Variants in PLSCR4 observed in about 807,000 individuals in gnomAD.
The protein encoded by PLSCR4 is phospholipid scramblase 4, also known as Ca(2+)-dependent phospholipid scramblase 4.
PLSCR4 carries 25 observed loss-of-function variants against 36.3 expected under a neutral mutation model. The ratio of observed to expected loss-of-function variants is 0.69; its 90% CI spans 0.50 to 0.96. The LOEUF is 0.96. Among genes scored for constraint, PLSCR4 ranks in the 40% least tolerant of loss-of-function variants. The probability of loss-of-function intolerance (pLI) is 0.00; values close to 1 mark genes in which losing one functional copy is unlikely to be tolerated. For missense variants in PLSCR4, 408 were observed against 414.7 expected, an observed-to-expected ratio of 0.98 and a Z score of 0.14; for synonymous variants, 122 against 132.9, an observed-to-expected ratio of 0.92 and a Z score of 0.56.
intron 3 of PLSCR4, among the ~76,000 whole-genome samples, chr3:146,218,837 C>G (rs1194540742): frequency 6.6e-6 from 1 of 152,142 alleles, no homozygotes; most frequent in Non-Finnish European, 1.5e-5. Flanking sequence ...TTTTGAACAT[C>G]AGGAAATCAT....
intron 3 of PLSCR4, among the ~76,000 whole-genome samples, chr3:146,218,180 T>C (rs2034977477): frequency 1.3e-5 from 2 of 152,182 alleles, no homozygotes; most frequent in South Asian, 4.1e-4. Context: ...TAAGTATGTA[T>C]TTAAGTTTGT....
intron 3 of PLSCR4, among the ~76,000 whole-genome samples, chr3:146,213,524 T>C (rs2034733044): frequency 6.6e-6 from 1 of 152,090 alleles, no homozygotes; most frequent in East Asian, 1.9e-4. Context: ...GATTTCGCCA[T>C]GTTGGTCAGG....
chr3:146,200,971 T>A, intron 5 of PLSCR4, 64 bp downstream of exon 5: 1 of 1,023,802 alleles, frequency 9.8e-7, no homozygotes, highest in Middle Eastern at 2.1e-4. Flanking sequence ...AGGAACTAGA[T>A]ATTGGATAAT....
intron 1 of PLSCR4, among the ~76,000 whole-genome samples, chr3:146,233,092 C>CT: frequency 6.6e-6 from 1 of 151,924 alleles, no homozygotes; most frequent in South Asian, 2.1e-4. Context: ...TCTTTAAAAG[C>CT]TTTTTTATCA....
chr3:146,237,911 G>C (rs1189071504), intron 1 of PLSCR4, among the ~76,000 whole-genome samples: 1 of 151,672 alleles, frequency 6.6e-6, no homozygotes, highest in African/African-American at 2.4e-5. Flanking sequence ...AAAAATTGTT[G>C]CTTTGAAAAG....
intron 6 of PLSCR4, 25 bp from the exon 7 acceptor site, chr3:146,196,818 T>C (rs1375548615): frequency 1.2e-6 from 2 of 1,609,876 alleles, no homozygotes; most frequent in Middle Eastern, 1.7e-4. Context: ...GTGACAGAAG[T>C]TAGGATGCTA....
At chr3:146,241,331 T>C (rs1405424808) in intron 1 of PLSCR4, among the ~76,000 whole-genome samples, 3 of 152,206 alleles carry the variant, frequency 2.0e-5, no homozygotes, top group Non-Finnish European at 2.9e-5. Flanking sequence ...ATGTGAATTA[T>C]GTCTCAACAA....
chr3:146,236,387 A>AG (rs1447045207), intron 1 of PLSCR4, among the ~76,000 whole-genome samples: 2 of 152,200 alleles, frequency 1.3e-5, no homozygotes, highest in Non-Finnish European at 2.9e-5. Flanking sequence ...AAAGAGACTG[A>AG]GGTTAACAGA....
chr3:146,233,555 C>G (rs947798808), intron 1 of PLSCR4, among the ~76,000 whole-genome samples: 3 of 152,090 alleles, frequency 2.0e-5, no homozygotes, highest in African/African-American at 7.2e-5. Context: ...GATTATGACT[C>G]CAAATGACCT....
intron 1 of PLSCR4, among the ~76,000 whole-genome samples, chr3:146,230,841 G>A (rs1394217908): frequency 6.6e-6 from 1 of 152,166 alleles, no homozygotes; most frequent in Non-Finnish European, 1.5e-5. Flanking sequence ...TTTTAATGGT[G>A]TAGTCCTTTG....
chr3:146,214,822 C>T (rs2034818339), intron 3 of PLSCR4, among the ~76,000 whole-genome samples: 1 of 152,010 alleles, frequency 6.6e-6, no homozygotes, highest in Non-Finnish European at 1.5e-5. Flanking sequence ...CAGATCTTTC[C>T]TTTTTGATCT....
intron 3 of PLSCR4, among the ~76,000 whole-genome samples, chr3:146,215,988 T>A (rs972662280): frequency 6.6e-6 from 1 of 152,130 alleles, no homozygotes; most frequent in African/African-American, 2.4e-5. Context: ...CCCAGCATTT[T>A]AGGAGGCCGA....
chr3:146,207,951 A>G (rs1339473163), intron 3 of PLSCR4, among the ~76,000 whole-genome samples: 2 of 152,122 alleles, frequency 1.3e-5, no homozygotes, highest in Admixed American at 6.6e-5. Context: ...ATATGCAACC[A>G]AAAAAGAGCC....
chr3:146,240,223 C>T (rs1261182730), intron 1 of PLSCR4, among the ~76,000 whole-genome samples: 1 of 152,040 alleles, frequency 6.6e-6, no homozygotes, highest in African/African-American at 2.4e-5. Context: ...AGAATTTGCA[C>T]ATTTCTCCAA....
At chr3:146,238,259 A>G (rs1330188614) in intron 1 of PLSCR4, among the ~76,000 whole-genome samples, 4 of 151,912 alleles carry the variant, frequency 2.6e-5, no homozygotes, top group Admixed American at 2.6e-4. Flanking sequence ...CAAATACTTA[A>G]TAAGGAATGA....
chr3:146,243,208 C>T (rs2036216259), intron 1 of PLSCR4, among the ~76,000 whole-genome samples: 1 of 152,088 alleles, frequency 6.6e-6, no homozygotes, highest in Non-Finnish European at 1.5e-5. Flanking sequence ...CAAACTCCTG[C>T]TAACAATATG....
At chr3:146,244,040 C>A (rs1190561761) in intron 1 of PLSCR4, among the ~76,000 whole-genome samples, 2 of 152,038 alleles carry the variant, frequency 1.3e-5, no homozygotes, top group African/African-American at 4.8e-5. Flanking sequence ...AATGATACAT[C>A]CTATTTTTTA....
intron 3 of PLSCR4, among the ~76,000 whole-genome samples, chr3:146,212,408 T>G (rs2034669037): frequency 6.7e-6 from 1 of 150,110 alleles, no homozygotes; most frequent in African/African-American, 2.5e-5. Flanking sequence ...ATTGTGCTGT[T>G]TGTGGGTATA....
chr3:146,211,666 T>C (rs1442946441), intron 3 of PLSCR4, among the ~76,000 whole-genome samples: 1 of 152,172 alleles, frequency 6.6e-6, no homozygotes, highest in Non-Finnish European at 1.5e-5. Flanking sequence ...GTAAAAGTTT[T>C]ATAGTTTTCA....
Sources: allele counts gnomAD v4.1 joint callset (sites outside exome capture counted in the v4.1 genomes callset), GRCh38; gene constraint gnomAD v4.1.1; transcripts MANE v1.5; gene names NCBI Gene and HGNC (gene_info 2026-07-23, HGNC 2026-07-21).